NKX6-3: variants seen among roughly 807,000 people sequenced by gnomAD.
The protein encoded by NKX6-3 is NK6 homeobox 3, also known as homeobox protein Nkx-6.3.
A neutral mutation model predicts 22.0 loss-of-function variants in NKX6-3; 17 were observed. That is an observed-to-expected ratio of 0.77 (90% CI 0.53 to 1.16). The LOEUF is 1.16. Among genes scored for constraint, NKX6-3 ranks in the 50% most tolerant of loss-of-function variants. The pLI, the probability that NKX6-3 is intolerant of heterozygous loss-of-function variation, is 0.00. For synonymous variants in NKX6-3, 177 were observed against 167.2 expected, an observed-to-expected ratio of 1.06 and a Z score of -0.45; for missense variants, 363 against 359.0, an observed-to-expected ratio of 1.01 and a Z score of -0.09.
Position 41,650,746 on chromosome 8 carries a change from G to A in NKX6-3, c.-254C>T, listed in dbSNP as rs936105990. 1.7e-5 allele frequency: 8 copies of A among 484,316 alleles called. No homozygotes were observed. Among genetic ancestry groups the A allele is most frequent in the African/African-American group, 1.6e-4 (8 of 50,390 alleles). The allele number at this position is 484,316 out of a possible 1,614,324, so 30.0% of individuals were successfully genotyped here. On this transcript the variant is annotated 5_prime_UTR_variant, in exon 1 of 3. Transcript: ENST00000518699. ...CTCTCTCCTTGCCCTGGCCGGACAG[G>A]GTGGCCCCCTAAGCCTCAGCTCAGA...
chr8:41,646,618 G>T lies in NKX6-3; in HGVS notation c.629C>A (p.Pro210Gln), dbSNP rs1342856194. 1.3e-6 allele frequency: 2 copies of T among 1,558,626 alleles called. No homozygotes were observed. The highest frequency in any genetic ancestry group is 1.7e-6 in the Non-Finnish European group (2 of 1,152,280). Residue 210 changes from proline to glutamine, a missense_variant, in exon 3 of 3, where the codon CCG becomes CAG. Physicochemically the swap from Pro to Gln is moderately conservative, Grantham distance 76. This residue lies in a region of NKX6-3 where 169 missense variants were observed against 155.8 expected (regional missense o/e 1.08). Transcript: ENST00000518699. ...GCCTGCGCCTGCACCCGCGCCGCCC[G>T]GGGCCCGGGGCGTGGAGGACGAGGG... ...LEPSSSTPRA[P>Q]GGAGAGAGGD...
In NKX6-3 at chr8:41,646,517, T is replaced by G; in HGVS notation, c.730A>C (p.Ile244Leu). ...CGGTGCTTGCGCAGCAGCAGGCGGA[T>G]CTTCTCGTCGTCCGAGTCGGGGTCC... is the stretch of plus-strand genomic sequence containing the variant. ...PLDPDSDDEK[I>L]RLLLRKHRAA... Residue 244 changes from isoleucine (I) to leucine (L), a missense_variant, in exon 3 of 3, where the codon ATC (isoleucine) becomes CTC (leucine). Around this residue, in one of 3 missense-constraint regions of NKX6-3, gnomAD observed 169 missense variants for 155.8 expected, o/e 1.08. Coordinates refer to ENST00000518699, the MANE Select transcript of NKX6-3 (RefSeq NM_001364841.2). The G allele has an allele frequency of 6.2e-7, 1 of 1,612,204 alleles. No individual in the cohort carries two copies.
chr8:41,646,408 C>CG lies in NKX6-3; in HGVS notation c.*40_*41insC. 6.4e-7 allele frequency: 1 copy of CG among 1,554,536 alleles called. No homozygotes were observed. Among genetic ancestry groups the CG allele is most frequent in the African/African-American group, 1.4e-5 (1 of 73,754 alleles). Reference sequence around the variant, plus strand: ...GGAAGGTAGGCTCCTCGGCGTCCCCCCGCAGGCTGCAGCCAGGATCCCGGG... The same window carrying CG: ...GGAAGGTAGGCTCCTCGGCGTCCCCCGCGCAGGCTGCAGCCAGGATCCCGGG... On this transcript the variant is annotated 3_prime_UTR_variant, in exon 3 of 3. Transcript: ENST00000518699.
chr8:41,648,066 C>T lies in NKX6-3; in HGVS notation c.552G>A (p.Lys184=). The part of the protein sequence containing the change: ...YSLGMTESQV[K]VWFQNRRTKW... ...GGTGCCATCTCCCGCACAGACTTAC[C>T]TTGACCTGCGACTCGGTCATGCCCA... Residue 184 remains lysine, a splice_region_variant and synonymous_variant, in exon 2 of 3, where the codon AAG becomes AAA. Coordinates refer to ENST00000518699, the MANE Select transcript of NKX6-3 (RefSeq NM_001364841.2). 1 of 1,532,920 alleles carries T rather than the reference C, an allele frequency of 6.5e-7. No homozygotes were observed. The highest frequency in any genetic ancestry group is 8.7e-7 in the Non-Finnish European group (1 of 1,144,426). The allele number at this position is 1,532,920 out of a possible 1,614,324, so 95.0% of individuals were successfully genotyped here.
At position 41,646,085 on chromosome 8, in the gene NKX6-3, C is replaced by T. The variant is rs573010940; in HGVS notation, c.*364G>A. ...AGTGGCATGTCTGGGACCCCACAGC[C>T]AGTTTCTTGGCTGCAGAGCCTGGTC... On this transcript the variant is annotated 3_prime_UTR_variant, in exon 3 of 3. Transcript: ENST00000518699. 1.2e-4 allele frequency: 35 copies of T among 295,260 alleles called. No homozygotes were observed. The highest frequency in any genetic ancestry group is 7.8e-4 in the African/African-American group (35 of 44,870). The allele number at this position is 295,260 out of a possible 1,614,324, so 18.3% of individuals were successfully genotyped here.
At position 41,646,625 on chromosome 8, in the gene NKX6-3, G is replaced by A. The variant is rs1804210003; in HGVS notation, c.622C>T (p.Arg208Trp). Residue 208 changes from arginine to tryptophan, a missense_variant, in exon 3 of 3, where the codon CGG (arginine) becomes TGG (tryptophan). Physicochemically the swap from Arg to Trp is moderately radical, Grantham distance 101 (BLOSUM62 -3). Coordinates refer to ENST00000518699, the MANE Select transcript of NKX6-3 (RefSeq NM_001364841.2). Reference protein sequence around the residue: ...SALEPSSSTPRAPGGAGAGAG... With the variant: ...SALEPSSSTPWAPGGAGAGAG... ...CCTGCACCCGCGCCGCCCGGGGCCC[G>A]GGGCGTGGAGGACGAGGGCTCCAGG... 1.3e-6 allele frequency: 2 copies of A among 1,556,592 alleles called. No individual in the cohort carries two copies. Among genetic ancestry groups the A allele is most frequent in the Non-Finnish European group, 8.7e-7 (1 of 1,151,068 alleles).
At position 41,646,159 on chromosome 8, in the gene NKX6-3, C is replaced by T. The variant is rs912441100; in HGVS notation, c.*290G>A. Reference sequence around the variant, plus strand: ...GAATCTGCAGAACTGGCAGGCGAGGCCCGAGGAGGTGCAAGGGGCAGCGGC... The same window carrying T: ...GAATCTGCAGAACTGGCAGGCGAGGTCCGAGGAGGTGCAAGGGGCAGCGGC... On this transcript the variant is annotated 3_prime_UTR_variant, in exon 3 of 3. Coordinates refer to ENST00000518699, the MANE Select transcript of NKX6-3 (RefSeq NM_001364841.2). The T allele has an allele frequency of 2.1e-5, 11 of 533,758 alleles. No homozygotes were observed. In the East Asian group the frequency reaches 3.7e-4, roughly 18 times the overall value. 33.1% of individuals were successfully genotyped at this position (533,758 alleles called of 1,614,324 possible).
intron 2 of NKX6-3, among the ~76,000 whole-genome samples, 166 bp downstream of exon 2, chr8:41,647,900 G>C (rs1804245118): frequency 6.6e-6 from 1 of 152,196 alleles, no homozygotes; most frequent in African/African-American, 2.4e-5. Context: ...CCCGGCTATG[G>C]TTAATTACCA....
chr8:41,647,219 G>A, intron 2 of NKX6-3: 2 of 1,612,884 alleles, frequency 1.2e-6, no homozygotes, highest in African/African-American at 1.3e-5. Flanking sequence ...ACATGCAGGA[G>A]TGTCTGCTTC....
chr8:41,650,148 C>G lies in NKX6-3; in HGVS notation c.345G>C (p.Thr115=). ...GCCGCCCGCCTCGCCAGTCTTGGCC[C>G]GTGTCCGCCCAGCAGTTCCGGGTCC... ...PTRTRNCWAD[T]GQDWRGGRQC... The change falls in exon 1 of 3, where the codon ACG becomes ACC. Residue 115 remains threonine, a synonymous_variant. Transcript: ENST00000518699. 1 of 1,535,532 alleles carries G rather than the reference C, an allele frequency of 6.5e-7. No homozygotes were observed. The highest frequency in any genetic ancestry group is 1.2e-5 in the South Asian group (1 of 84,020).
Position 41,650,650 on chromosome 8 carries a change from A to C in NKX6-3, c.-158T>G. 1 of 694,946 alleles carries C rather than the reference A, an allele frequency of 1.4e-6. No individual in the cohort carries two copies. The highest frequency in any genetic ancestry group is 2.3e-6 in the Non-Finnish European group (1 of 428,824). 43.0% of individuals were successfully genotyped at this position (694,946 alleles called of 1,614,324 possible). Reference sequence around the variant, plus strand: ...GCATGGGCCAGGCCCTGGCCCAGGAACCGGCACCCGATCAGCTGCTCGGAA... The same window carrying C: ...GCATGGGCCAGGCCCTGGCCCAGGACCCGGCACCCGATCAGCTGCTCGGAA... On this transcript the variant is annotated 5_prime_UTR_variant, in exon 1 of 3. Coordinates refer to ENST00000518699, the MANE Select transcript of NKX6-3 (RefSeq NM_001364841.2).
In NKX6-3 at chr8:41,645,616, G is replaced by C. The variant is rs889105722; in HGVS notation, c.*833C>G. On this transcript the variant is annotated 3_prime_UTR_variant, in exon 3 of 3. Transcript: ENST00000518699. Reference sequence around the variant, plus strand: ...TTATATCAGCACCAAATGATGCCCAGGTGGGTGGCCCTTGGGCACACCGTC... The same window carrying C: ...TTATATCAGCACCAAATGATGCCCACGTGGGTGGCCCTTGGGCACACCGTC... The C allele has an allele frequency of 4.6e-5, 7 of 152,328 alleles. No individual in the cohort carries two copies. Among genetic ancestry groups the C allele is most frequent in the African/African-American group, 1.7e-4 (7 of 41,444 alleles). 9.4% of individuals were successfully genotyped at this position (152,328 alleles called of 1,614,324 possible). A position where few individuals can be genotyped will look rare whatever the true frequency, so the allele number is the denominator to read the frequency against.
In NKX6-3 at chr8:41,645,374, A is replaced by C. The variant is rs1804177893; in HGVS notation, c.*1075T>G. ...CCTGTTGGCCAGCGTCCCTGTCAGC[A>C]CCAGCTCCAGTGCCAGGCCGCAAGG... On this transcript the variant is annotated 3_prime_UTR_variant, in exon 3 of 3. Coordinates refer to ENST00000518699, the MANE Select transcript of NKX6-3 (RefSeq NM_001364841.2). 6.6e-6 allele frequency: 1 copy of C among 151,608 alleles called. No individual in the cohort carries two copies. Among genetic ancestry groups the C allele is most frequent in the African/African-American group, 2.4e-5 (1 of 41,132 alleles). 9.4% of individuals were successfully genotyped at this position (151,608 alleles called of 1,614,324 possible).
At chr8:41,646,928 T>TCCCCCC (rs1258094088) in intron 2 of NKX6-3, among the ~76,000 whole-genome samples, 1 of 1,094 alleles carries the variant, frequency 9.1e-4, no homozygotes, top group African/African-American at 4.5e-3. Flanking sequence ...CCCCTCTCCC[T>TCCCCCC]CCCCCTCCCC....
In NKX6-3 at chr8:41,650,453, T is replaced by G; in HGVS notation, c.40A>C (p.Thr14Pro). 6.5e-7 allele frequency: 1 copy of G among 1,535,620 alleles called. No individual in the cohort carries two copies. ...NLQGTFLLNN[T>P]PLAQFPEMKA... ...ATCTCCGGAAACTGAGCCAGCGGCG[T>G]GTTGTTCAGCAGGAACGTCCCCTGC... is the stretch of plus-strand genomic sequence containing the variant. Residue 14 changes from threonine (T) to proline (P), a missense_variant, in exon 1 of 3, where the codon ACG becomes CCG. Physicochemically the swap from Thr to Pro is conservative, Grantham distance 38. Coordinates refer to ENST00000518699, the MANE Select transcript of NKX6-3 (RefSeq NM_001364841.2).
Position 41,650,374 on chromosome 8 carries a change from G to A in NKX6-3, c.119C>T (p.Pro40Leu). The change falls in exon 1 of 3, where the codon CCC becomes CTC. Residue 40 changes from proline (P) to leucine (L), a missense_variant. By Grantham distance (98) the Pro-to-Leu change is moderately conservative (BLOSUM62 -3). Transcript: ENST00000518699. ...GGCCAGCTGGGGGCCCAGCCCTGGG[G>A]GGCTGAGCTTGTAGAAGGAGTTCTG... ...SVQNSFYKLS[P>L]PGLGPQLAAG... The A allele has an allele frequency of 2.0e-6, 3 of 1,535,498 alleles. No homozygotes were observed. Among genetic ancestry groups the A allele is most frequent in the Non-Finnish European group, 1.7e-6 (2 of 1,146,600 alleles).
At chr8:41,647,315 G>A (rs774004303) in intron 2 of NKX6-3, 2 of 1,591,824 alleles carry the variant, frequency 1.3e-6, no homozygotes, top group Non-Finnish European at 1.7e-6. Context: ...CCAGGGCCCT[G>A]AGCAAAGCCT....
rs1225266814 is a variant in NKX6-3, at chr8:41,650,199, G to A, written c.294C>T (p.Ser98=). ...VYYSPQVGNF[S]KAGNEYPTRT... ...GGGTCGGGTACTCGTTCCCAGCCTT[G>A]GAAAAATTCCCTACCTGGGGGCTGT... Residue 98 remains serine (S), a synonymous_variant, in exon 1 of 3, where the codon TCC becomes TCT. Transcript: ENST00000518699. 6.5e-7 allele frequency: 1 copy of A among 1,534,918 alleles called. No individual in the cohort carries two copies. The highest frequency in any genetic ancestry group is 8.7e-7 in the Non-Finnish European group (1 of 1,146,364).
In NKX6-3 at chr8:41,646,182, G is replaced by A. The variant is rs1804195683; in HGVS notation, c.*267C>T. 3.5e-6 allele frequency: 2 copies of A among 564,284 alleles called. No individual in the cohort carries two copies. The highest frequency in any genetic ancestry group is 3.1e-6 in the Non-Finnish European group (1 of 321,140). 35.0% of individuals were successfully genotyped at this position (564,284 alleles called of 1,614,324 possible). A position where few individuals can be genotyped will look rare whatever the true frequency, so the allele number is the denominator to read the frequency against. On this transcript the variant is annotated 3_prime_UTR_variant, in exon 3 of 3. Transcript: ENST00000518699. ...GGCCCGAGGAGGTGCAAGGGGCAGC[G>A]GCTTCCAGGTCTCAGGAGTGCTGTG...
Sources: gnomAD v4.1 joint callset for allele counts (sites outside exome capture counted in the v4.1 genomes callset) on GRCh38, gnomAD v4.1.1 for gene constraint, gnomAD v4.1.1 regional missense constraint, MANE v1.5 for transcripts, NCBI Gene and HGNC (gene_info 2026-07-23, HGNC 2026-07-21) for gene names.